SEMA5A: variants seen among roughly 807,000 people sequenced by gnomAD.
SEMA5A encodes semaphorin-5A.
SEMA5A carries 55 observed loss-of-function variants against 135.5 expected under a neutral mutation model. That is an observed-to-expected ratio of 0.41 (90% CI 0.33 to 0.51). SEMA5A has a LOEUF of 0.51. Ranked by LOEUF, SEMA5A falls within the 20% of genes least tolerant of loss-of-function variation. The pLI, the probability that SEMA5A is intolerant of heterozygous loss-of-function variation, is 0.37. For synonymous variants in SEMA5A, 580 were observed against 546.5 expected, an observed-to-expected ratio of 1.06 and a Z score of -0.85; for missense variants, 1,290 against 1,419.9, an observed-to-expected ratio of 0.91 and a Z score of 1.47.
At chr5:9,138,503 T>A (rs1027614517) in intron 12 of SEMA5A, among the ~76,000 whole-genome samples, 1 of 152,268 alleles carries the variant, frequency 6.6e-6, no homozygotes, top group African/African-American at 2.4e-5. Context: ...TGTCAATAAA[T>A]ATAGCTCTAC....
At chr5:9,206,568 A>G (rs1488391846) in intron 8 of SEMA5A, among the ~76,000 whole-genome samples, 1 of 152,254 alleles carries the variant, frequency 6.6e-6, no homozygotes, top group East Asian at 1.9e-4. Flanking sequence ...TAAAGCATCA[A>G]TATGGGGGTA....
At chr5:9,327,649 A>C (rs1256479333) in intron 4 of SEMA5A, among the ~76,000 whole-genome samples, 1 of 152,238 alleles carries the variant, frequency 6.6e-6, no homozygotes, top group Non-Finnish European at 1.5e-5. Flanking sequence ...CCGCCAGCAA[A>C]TCTTAGAGAT....
At chr5:9,047,653 A>C (rs1311995212) in intron 21 of SEMA5A, among the ~76,000 whole-genome samples, 4 of 152,220 alleles carry the variant, frequency 2.6e-5, no homozygotes, top group African/African-American at 9.6e-5. Context: ...AAAATGAAAA[A>C]ATAAACAAGT....
rs563169282 is a variant in SEMA5A at position 9,190,596 on chromosome 5, A to G, written c.1069-125T>C. 1.7e-5 allele frequency: 13 copies of G among 786,384 alleles called. No individual in the cohort carries two copies. In the African/African-American group the frequency reaches 2.2e-4, roughly 13 times the overall value. 48.7% of individuals were successfully genotyped at this position (786,384 alleles called of 1,614,324 possible). A position where few individuals can be genotyped will look rare whatever the true frequency, so the allele number is the denominator to read the frequency against. On this transcript the variant is annotated intron_variant, in intron 10 of 22. Coordinates refer to ENST00000382496, the MANE Select transcript of SEMA5A (RefSeq NM_003966.3). The stretch of plus-strand genomic sequence containing the variant: ...GCCACAATCCATCATTGAAGTATGC[A>G]AACATGTCTGCTTCTCCATCCTCCC...
At chr5:9,544,280 A>G (rs1738251329) in intron 1 of SEMA5A, among the ~76,000 whole-genome samples, 1 of 152,214 alleles carries the variant, frequency 6.6e-6, no homozygotes. Context: ...ACCCCTAAAA[A>G]GCAGAACGGT....
chr5:9,100,378 C>T (rs922726756), intron 16 of SEMA5A, among the ~76,000 whole-genome samples: 4 of 152,280 alleles, frequency 2.6e-5, no homozygotes, highest in Middle Eastern at 3.4e-3. Flanking sequence ...CACACACTTC[C>T]CTTCCTGTGG....
At chr5:9,263,053 AG>A (rs1374958045) in intron 5 of SEMA5A, among the ~76,000 whole-genome samples, 2 of 151,124 alleles carry the variant, frequency 1.3e-5, no homozygotes, top group Non-Finnish European at 3.0e-5. Flanking sequence ...AAAAAAAAAA[AG>A]ATACAGATGT....
At chr5:9,397,413 C>T (rs909410609) in intron 2 of SEMA5A, among the ~76,000 whole-genome samples, 2 of 152,178 alleles carry the variant, frequency 1.3e-5, no homozygotes, top group African/African-American at 2.4e-5. Flanking sequence ...ATAATACTAG[C>T]ACCTTTCTCA....
At chr5:9,115,267 G>T (rs923922847) in intron 15 of SEMA5A, among the ~76,000 whole-genome samples, 2 of 152,180 alleles carry the variant, frequency 1.3e-5, no homozygotes, top group African/African-American at 4.8e-5. Flanking sequence ...CTAGCTACAA[G>T]CACGTGCTCT....
chr5:9,073,395 A>C (rs780882257), intron 16 of SEMA5A, among the ~76,000 whole-genome samples: 4 of 152,184 alleles, frequency 2.6e-5, no homozygotes, highest in Non-Finnish European at 5.9e-5. Flanking sequence ...TTATTGGATA[A>C]AAATCAAAAT....
chr5:9,441,757 G>T (rs1321867837), intron 1 of SEMA5A, among the ~76,000 whole-genome samples: 1 of 152,164 alleles, frequency 6.6e-6, no homozygotes, highest in Non-Finnish European at 1.5e-5. Flanking sequence ...GCTAGCAGCA[G>T]CATGTGCCAC....
intron 1 of SEMA5A, among the ~76,000 whole-genome samples, chr5:9,526,548 G>A (rs1051218872): frequency 3.9e-5 from 6 of 152,136 alleles, no homozygotes; most frequent in African/African-American, 1.2e-4. Context: ...GAACACAGTT[G>A]CTCCCAATTT....
intron 5 of SEMA5A, among the ~76,000 whole-genome samples, chr5:9,303,257 C>T (rs1561126062): frequency 6.6e-6 from 1 of 151,992 alleles, no homozygotes; most frequent in Non-Finnish European, 1.5e-5. Context: ...GCTGGGAATA[C>T]AGGCGCCCAC....
chr5:9,087,363 C>T (rs1738755755), intron 16 of SEMA5A, among the ~76,000 whole-genome samples: 1 of 151,994 alleles, frequency 6.6e-6, no homozygotes, highest in African/African-American at 2.4e-5. Flanking sequence ...CTTGAAGTTT[C>T]CTATAAAATA....
intron 15 of SEMA5A, among the ~76,000 whole-genome samples, chr5:9,110,003 A>G (rs3777243): frequency 0.12 from 17,583 of 152,096 alleles, 1,553 homozygotes; most frequent in East Asian, 0.32. Context: ...AACAGGGACA[A>G]TGTGAAAAGT....
At chr5:9,174,580 T>C (rs898842215) in intron 11 of SEMA5A, among the ~76,000 whole-genome samples, 4 of 152,192 alleles carry the variant, frequency 2.6e-5, no homozygotes, top group Non-Finnish European at 5.9e-5. Flanking sequence ...CTGCTGTCTG[T>C]TTTAGAATTT....
At chr5:9,310,371 T>C (rs1395331740) in intron 5 of SEMA5A, among the ~76,000 whole-genome samples, 5 of 152,126 alleles carry the variant, frequency 3.3e-5, no homozygotes, top group African/African-American at 1.2e-4. Context: ...CATACCTTAG[T>C]TGTTAACTCC....
chr5:9,542,112 A>G (rs547491482), intron 1 of SEMA5A, among the ~76,000 whole-genome samples: 14 of 152,298 alleles, frequency 9.2e-5, no homozygotes, highest in African/African-American at 3.1e-4. Flanking sequence ...TATCTGGATA[A>G]CCAATTCTTA....
chr5:9,122,926 C>G (rs1479528316), intron 13 of SEMA5A, 89 bp from the exon 14 acceptor site: 3 of 1,179,782 alleles, frequency 2.5e-6, no homozygotes, highest in Non-Finnish European at 3.5e-6. Flanking sequence ...ATAAGACAAT[C>G]AAAACTCCTC....
Sources: allele counts gnomAD v4.1 joint callset (sites outside exome capture counted in the v4.1 genomes callset), GRCh38; gene constraint gnomAD v4.1.1; transcripts MANE v1.5; gene names NCBI Gene and HGNC (gene_info 2026-07-23, HGNC 2026-07-21).